EFCAB11: variants seen among roughly 807,000 people sequenced by gnomAD.
EFCAB11 encodes EF-hand calcium-binding domain-containing protein 11.
EFCAB11 carries 14 observed loss-of-function variants against 23.0 expected under a neutral mutation model. The ratio of observed to expected loss-of-function variants is 0.61; its 90% CI spans 0.40 to 0.95. The LOEUF is 0.95. Ranked by LOEUF, EFCAB11 falls within the 40% of genes least tolerant of loss-of-function variation. The pLI is 0.00. For synonymous variants in EFCAB11, 65 were observed against 66.6 expected, an observed-to-expected ratio of 0.98 and a Z score of 0.11; for missense variants, 198 against 195.8, an observed-to-expected ratio of 1.01 and a Z score of -0.07.
intron 5 of EFCAB11, among the ~76,000 whole-genome samples, chr14:89,842,116 C>G (rs1887288383): frequency 6.6e-6 from 1 of 152,156 alleles, no homozygotes; most frequent in South Asian, 2.1e-4. Context: ...CACACCCAAC[C>G]ATTTACCTAG....
At chr14:89,803,743 CCCG>C (rs1566764206) in intron 5 of EFCAB11, among the ~76,000 whole-genome samples, 1 of 152,170 alleles carries the variant, frequency 6.6e-6, no homozygotes, top group Non-Finnish European at 1.5e-5. Context: ...GATGAGAAGA[CCCG>C]CCAATTGAAG....
rs567548826 is a variant in EFCAB11 at position 89,881,098 on chromosome 14, C to CTATT, written c.410+50439_410+50442dup. Among the ~76,000 whole-genome samples, 919 of 151,854 alleles carry CTATT rather than the reference C, an allele frequency of 6.1e-3. 5 individuals are homozygous for CTATT. Among genetic ancestry groups the CTATT allele is most frequent in the Admixed American group, 0.018 (271 of 15,220 alleles). On this transcript the variant is annotated intron_variant, in intron 5 of 5. Coordinates refer to ENST00000316738, the MANE Select transcript of EFCAB11 (RefSeq NM_145231.4). ...CCAATTACTCTGCATTCTTATTACC[C>CTATT]TATTTATTTATTTATTTATTTATTT... is the stretch of plus-strand genomic sequence containing the variant.
intron 5 of EFCAB11, among the ~76,000 whole-genome samples, chr14:89,814,100 T>TC (rs1259113263): frequency 3.3e-4 from 47 of 140,890 alleles, no homozygotes. Context: ...TTTTTTTTTT[T>TC]CCACTTTGAA....
At chr14:89,847,141 T>C (rs1229470061) in intron 5 of EFCAB11, among the ~76,000 whole-genome samples, 1 of 152,252 alleles carries the variant, frequency 6.6e-6, no homozygotes, top group African/African-American at 2.4e-5. Flanking sequence ...CAAGCTGCTT[T>C]TGTTAAAATT....
intron 5 of EFCAB11, among the ~76,000 whole-genome samples, chr14:89,798,838 G>A (rs1414103104): frequency 6.6e-6 from 1 of 152,196 alleles, no homozygotes; most frequent in African/African-American, 2.4e-5. Flanking sequence ...CCAGGCTGGA[G>A]TGCAGCAGTG....
intron 5 of EFCAB11, among the ~76,000 whole-genome samples, chr14:89,851,024 T>C (rs537283709): frequency 3.3e-5 from 5 of 152,240 alleles, no homozygotes; most frequent in Non-Finnish European, 7.3e-5. Context: ...GCTCATCCAC[T>C]GAGCCAACAG....
At position 89,928,450 on chromosome 14, in the gene EFCAB11, T is replaced by C. The variant is rs368232537; in HGVS notation, c.410+3091A>G. Among the ~76,000 whole-genome samples the C allele has an allele frequency of 1.9e-4, 29 of 152,104 alleles. No individual in the cohort carries two copies. In the South Asian group the frequency reaches 5.8e-3, roughly 30 times the overall value. On this transcript the variant is annotated intron_variant, in intron 5 of 5. Transcript: ENST00000316738. ...CAATTTAAAATTCAATTTGTTTTGA[T>C]ACTTGGTTTTAATGGACAGTATAGG...
intron 3 of EFCAB11, 148 bp downstream of exon 3, chr14:89,949,949 G>A (rs979980627): frequency 1.4e-5 from 12 of 851,820 alleles, no homozygotes; most frequent in Non-Finnish European, 1.8e-5. Flanking sequence ...AACAACATGC[G>A]AAAAACCCGC....
At chr14:89,918,096 G>A (rs1566810289) in intron 5 of EFCAB11, among the ~76,000 whole-genome samples, 1 of 152,120 alleles carries the variant, frequency 6.6e-6, no homozygotes, top group Admixed American at 6.6e-5. Flanking sequence ...ATGGATATGA[G>A]TATATCTTCA....
At chr14:89,924,082 C>CA in intron 5 of EFCAB11, 5 of 985,520 alleles carry the variant, frequency 5.1e-6, no homozygotes, top group Non-Finnish European at 6.0e-6. Context: ...AGGGAATATC[C>CA]ATCACTCCCT....
At chr14:89,900,513 A>G (rs1251862515) in intron 5 of EFCAB11, among the ~76,000 whole-genome samples, 1 of 152,244 alleles carries the variant, frequency 6.6e-6, no homozygotes, top group Non-Finnish European at 1.5e-5. Context: ...TAAGAAGCAC[A>G]GCTGAAAAAG....
intron 5 of EFCAB11, among the ~76,000 whole-genome samples, chr14:89,851,959 C>T (rs115879822): frequency 0.016 from 2,369 of 152,228 alleles, 74 homozygotes; most frequent in African/African-American, 0.054. Context: ...AGGATACCAT[C>T]GAATGCCAAA....
chr14:89,853,214 A>C (rs1887647794), intron 5 of EFCAB11, among the ~76,000 whole-genome samples: 1 of 152,214 alleles, frequency 6.6e-6, no homozygotes, highest in African/African-American at 2.4e-5. Context: ...AAGTCAGCTA[A>C]TTGGAGTAGA....
chr14:89,909,657 A>T (rs1041207873), intron 5 of EFCAB11, among the ~76,000 whole-genome samples: 1 of 152,100 alleles, frequency 6.6e-6, no homozygotes, highest in Non-Finnish European at 1.5e-5. Context: ...ATCTCAGGAT[A>T]AAGTCTGAAC....
At chr14:89,924,043 G>A (rs1236957907) in intron 5 of EFCAB11, 3 of 985,334 alleles carry the variant, frequency 3.0e-6, no homozygotes, top group Non-Finnish European at 2.4e-6. Flanking sequence ...TAATGGCTGT[G>A]ATATAACATC....
At chr14:89,810,000 A>G (rs575797686) in intron 5 of EFCAB11, among the ~76,000 whole-genome samples, 1 of 152,230 alleles carries the variant, frequency 6.6e-6, no homozygotes, top group South Asian at 2.1e-4. Flanking sequence ...TCTGTAGCCT[A>G]TGGTACACAC....
intron 5 of EFCAB11, among the ~76,000 whole-genome samples, chr14:89,841,124 AT>A (rs1887248158): frequency 6.6e-6 from 1 of 152,098 alleles, no homozygotes; most frequent in South Asian, 2.1e-4. Flanking sequence ...ACTGAGTACC[AT>A]GGAATTTCCA....
At chr14:89,858,129 A>G (rs1887811854) in intron 5 of EFCAB11, among the ~76,000 whole-genome samples, 1 of 152,174 alleles carries the variant, frequency 6.6e-6, no homozygotes, top group Admixed American at 6.5e-5. Context: ...AACGTGGGCA[A>G]TGGGGCTACC....
At chr14:89,877,473 T>C (rs1888475061) in intron 5 of EFCAB11, among the ~76,000 whole-genome samples, 1 of 152,166 alleles carries the variant, frequency 6.6e-6, no homozygotes, top group Non-Finnish European at 1.5e-5. Context: ...CTAAAGATAA[T>C]TCAGAACGAG....
Sources: allele counts gnomAD v4.1 joint callset (sites outside exome capture counted in the v4.1 genomes callset), GRCh38; gene constraint gnomAD v4.1.1; transcripts MANE v1.5; gene names NCBI Gene and HGNC (gene_info 2026-07-23, HGNC 2026-07-21).